CCSER1: variants seen among roughly 807,000 people sequenced by gnomAD.
CCSER1 encodes serine-rich coiled-coil domain-containing protein 1.
In CCSER1, 41 loss-of-function variants were observed where a neutral mutation model predicts 82.0. That is an observed-to-expected ratio of 0.50 (90% CI 0.39 to 0.65). The LOEUF (loss-of-function observed/expected upper bound fraction) is 0.65, where lower values mean the gene tolerates loss of function less well. Among genes scored for constraint, CCSER1 ranks in the 30% least tolerant of loss-of-function variants. The pLI is 0.00. For synonymous variants in CCSER1, 414 were observed against 383.9 expected, an observed-to-expected ratio of 1.08 and a Z score of -0.92; for missense variants, 1,119 against 1,064.2, an observed-to-expected ratio of 1.05 and a Z score of -0.72.
At chr4:91,384,770 A>G (rs560341675) in intron 10 of CCSER1, among the ~76,000 whole-genome samples, 5 of 152,128 alleles carry the variant, frequency 3.3e-5, no homozygotes, top group Admixed American at 2.0e-4. Context: ...GGCAAAGTCA[A>G]AGGACAAATA....
At chr4:90,311,569 T>C (rs1370018140) in intron 2 of CCSER1, among the ~76,000 whole-genome samples, 1 of 152,164 alleles carries the variant, frequency 6.6e-6, no homozygotes, top group Non-Finnish European at 1.5e-5. Context: ...AGTAAATGTA[T>C]TTTATCCAAT....
At chr4:90,650,931 A>T (rs1728640411) in intron 6 of CCSER1, among the ~76,000 whole-genome samples, 1 of 152,244 alleles carries the variant, frequency 6.6e-6, no homozygotes, top group Admixed American at 6.5e-5. Context: ...TAAGAACATA[A>T]ACTATGAAGT....
At chr4:90,750,569 C>T (rs939727106) in intron 7 of CCSER1, among the ~76,000 whole-genome samples, 2 of 152,098 alleles carry the variant, frequency 1.3e-5, no homozygotes, top group Admixed American at 1.3e-4. Context: ...CAGCTGCTGC[C>T]AGCTCTCAAA....
intron 10 of CCSER1, among the ~76,000 whole-genome samples, chr4:91,279,742 C>A (rs1742765008): frequency 6.6e-6 from 1 of 152,016 alleles, no homozygotes; most frequent in Admixed American, 6.5e-5. Context: ...TCTGGAATTT[C>A]ACAAATTTCT....
At chr4:90,354,851 G>A (rs2153514727) in intron 3 of CCSER1, among the ~76,000 whole-genome samples, 1 of 151,648 alleles carries the variant, frequency 6.6e-6, no homozygotes, top group East Asian at 1.9e-4. Context: ...TTGCCATATT[G>A]CAAATGCGGG....
chr4:90,294,819 G>A (rs529510143), intron 1 of CCSER1, among the ~76,000 whole-genome samples: 18 of 151,912 alleles, frequency 1.2e-4, no homozygotes, highest in Admixed American at 1.2e-3. Context: ...GGTAATCACT[G>A]TTAATGCTTT....
At chr4:90,357,486 A>G (rs116370942) in intron 3 of CCSER1, among the ~76,000 whole-genome samples, 106 of 152,150 alleles carry the variant, frequency 7.0e-4, no homozygotes, top group African/African-American at 2.0e-3. Flanking sequence ...TGGAGGAACC[A>G]AATGGAACAT....
intron 5 of CCSER1, among the ~76,000 whole-genome samples, chr4:90,600,074 T>C (rs1783851755): frequency 6.6e-6 from 1 of 152,302 alleles, no homozygotes; most frequent in East Asian, 1.9e-4. Flanking sequence ...TGGAGTAGTA[T>C]TCTATTGTAT....
At chr4:90,399,798 AAG>A (rs551466772) in intron 3 of CCSER1, among the ~76,000 whole-genome samples, 109 of 152,228 alleles carry the variant, frequency 7.2e-4, no homozygotes, top group African/African-American at 2.4e-3. Flanking sequence ...ATCATTAAAA[AAG>A]AAAAAAAATG....
chr4:90,219,593 T>A (rs1741744838), intron 1 of CCSER1, among the ~76,000 whole-genome samples: 1 of 152,154 alleles, frequency 6.6e-6, no homozygotes, highest in Admixed American at 6.6e-5. Context: ...CACTTGTGAG[T>A]TTAATCTTAT....
At chr4:91,379,372 G>C (rs6815964) in intron 10 of CCSER1, among the ~76,000 whole-genome samples, 1 of 151,992 alleles carries the variant, frequency 6.6e-6, no homozygotes, top group Non-Finnish European at 1.5e-5. Flanking sequence ...CTGTGAATCC[G>C]TCTGGTCCTG....
chr4:90,933,132 AGTGTGT>A (rs536402295), intron 9 of CCSER1, among the ~76,000 whole-genome samples: 13,172 of 69,860 alleles, frequency 0.19, 1,429 homozygotes, highest in Admixed American at 0.22. Flanking sequence ...GTTACCTAGA[AGTGTGT>A]GTGTGTGTGT....
At chr4:90,877,688 G>A (rs1420077925) in intron 8 of CCSER1, among the ~76,000 whole-genome samples, 1 of 150,544 alleles carries the variant, frequency 6.6e-6, no homozygotes, top group Non-Finnish European at 1.5e-5. Context: ...GATATATTAA[G>A]GAATGGAGAA....
intron 10 of CCSER1, among the ~76,000 whole-genome samples, chr4:91,414,076 T>C (rs1753217295): frequency 6.6e-6 from 1 of 152,116 alleles, no homozygotes; most frequent in Non-Finnish European, 1.5e-5. Flanking sequence ...TGCTGCTAAG[T>C]AACAATGTGA....
chr4:90,684,302 A>T (rs1734416929), intron 6 of CCSER1, among the ~76,000 whole-genome samples: 1 of 152,170 alleles, frequency 6.6e-6, no homozygotes, highest in South Asian at 2.1e-4. Context: ...TTGAGATGTA[A>T]TTATCTTATT....
At chr4:90,958,953 C>T (rs1362187904) in intron 9 of CCSER1, among the ~76,000 whole-genome samples, 2 of 152,088 alleles carry the variant, frequency 1.3e-5, no homozygotes, top group Non-Finnish European at 2.9e-5. Flanking sequence ...AAACAGGAGT[C>T]TCATGCAAAT....
At chr4:91,105,406 C>CA (rs34348706) in intron 10 of CCSER1, among the ~76,000 whole-genome samples, 5,446 of 147,230 alleles carry the variant, frequency 0.037, 111 homozygotes, top group Middle Eastern at 0.046. Context: ...TAACAGTAAA[C>CA]AAAAAAAAAA....
chr4:91,237,791 G>C (rs1164406573), intron 10 of CCSER1, among the ~76,000 whole-genome samples: 1 of 152,196 alleles, frequency 6.6e-6, no homozygotes, highest in Admixed American at 6.5e-5. Context: ...GTGGTTCACT[G>C]TAAAGTGTGA....
intron 6 of CCSER1, among the ~76,000 whole-genome samples, chr4:90,699,826 A>G (rs1472114891): frequency 2.0e-5 from 3 of 152,048 alleles, no homozygotes; most frequent in East Asian, 3.9e-4. Flanking sequence ...ATGAGGTTGG[A>G]GCCCTAATAA....
Sources: gnomAD v4.1 joint callset for allele counts (sites outside exome capture counted in the v4.1 genomes callset) on GRCh38, gnomAD v4.1.1 for gene constraint, MANE v1.5 for transcripts, NCBI Gene and HGNC (gene_info 2026-07-23, HGNC 2026-07-21) for gene names.